Variants in ZNF385B observed in about 807,000 individuals in gnomAD.
ZNF385B encodes the protein zinc finger protein 385B, also known as zinc finger protein 533.
In ZNF385B, 23 loss-of-function variants were observed where a neutral mutation model predicts 39.2. The observed-to-expected ratio is 0.59, with a 90% CI of 0.42 to 0.83. The LOEUF (loss-of-function observed/expected upper bound fraction) is 0.83, where lower values mean the gene tolerates loss of function less well. ZNF385B is among the 40% of genes least tolerant of loss of function. The pLI is 0.00. For missense variants in ZNF385B, 552 were observed against 598.9 expected, an observed-to-expected ratio of 0.92 and a Z score of 0.82; for synonymous variants, 205 against 222.6, an observed-to-expected ratio of 0.92 and a Z score of 0.70.
At chr2:179,685,642 T>C (rs1304964254) in intron 3 of ZNF385B, among the ~76,000 whole-genome samples, 2 of 139,876 alleles carry the variant, frequency 1.4e-5, no homozygotes, top group African/African-American at 2.5e-5. Context: ...TTACTGCCTA[T>C]TGATAAATGC....
intron 1 of ZNF385B, among the ~76,000 whole-genome samples, chr2:179,787,913 T>G (rs939705133): frequency 6.6e-6 from 1 of 152,202 alleles, no homozygotes; most frequent in South Asian, 2.1e-4. Flanking sequence ...ACAGCAACTA[T>G]CAGATAAAGG....
chr2:179,446,844 T>C, intron 6 of ZNF385B, 74 bp from the exon 7 acceptor site: 1 of 1,494,010 alleles, frequency 6.7e-7, no homozygotes, highest in Non-Finnish European at 8.9e-7. Flanking sequence ...CATAGATGAA[T>C]TAAAAATAGA....
intron 1 of ZNF385B, among the ~76,000 whole-genome samples, chr2:179,816,109 A>G (rs1474318441): frequency 6.6e-6 from 1 of 151,918 alleles, no homozygotes; most frequent in Non-Finnish European, 1.5e-5. Flanking sequence ...CCAAGAAGCA[A>G]CCCCCACCCC....
intron 3 of ZNF385B, among the ~76,000 whole-genome samples, chr2:179,732,518 TAGTC>T (rs1559140737): frequency 6.6e-6 from 1 of 152,202 alleles, no homozygotes; most frequent in Non-Finnish European, 1.5e-5. Context: ...AGATAATCAA[TAGTC>T]AGCTGATCAT....
chr2:179,507,671 TC>T (rs1393175385), intron 5 of ZNF385B, among the ~76,000 whole-genome samples: 2 of 152,192 alleles, frequency 1.3e-5, no homozygotes, highest in African/African-American at 4.8e-5. Flanking sequence ...TCTCAGATCT[TC>T]CTTTCAAGGC....
intron 3 of ZNF385B, among the ~76,000 whole-genome samples, chr2:179,551,793 T>G (rs915161311): frequency 3.0e-4 from 46 of 152,160 alleles, no homozygotes; most frequent in African/African-American, 1.1e-3. Flanking sequence ...CTATCCCAAT[T>G]TGTCCTTGAA....
chr2:179,460,104 AAAAAGAAAAG>A (rs919999464), intron 6 of ZNF385B, among the ~76,000 whole-genome samples: 11 of 152,178 alleles, frequency 7.2e-5, no homozygotes, highest in South Asian at 2.1e-4. Flanking sequence ...ACTCTGTCTC[AAAAAGAAAAG>A]AAAAGAAAAG....
chr2:179,811,159 G>C (rs1363298027), intron 1 of ZNF385B, among the ~76,000 whole-genome samples: 1 of 152,000 alleles, frequency 6.6e-6, no homozygotes, highest in African/African-American at 2.4e-5. Context: ...AGAAATCAGA[G>C]ATGGTACAAA....
At chr2:179,681,378 T>C (rs1368550652) in intron 3 of ZNF385B, among the ~76,000 whole-genome samples, 1 of 152,210 alleles carries the variant, frequency 6.6e-6, no homozygotes, top group African/African-American at 2.4e-5. Flanking sequence ...TCAGGGACTC[T>C]ATGTTCTGAA....
chr2:179,675,236 A>G (rs1474541757), intron 3 of ZNF385B, among the ~76,000 whole-genome samples: 1 of 152,244 alleles, frequency 6.6e-6, no homozygotes, highest in Non-Finnish European at 1.5e-5. Context: ...TATATTTACT[A>G]TTCATTAAGT....
At chr2:179,505,770 A>C (rs7604698) in intron 5 of ZNF385B, among the ~76,000 whole-genome samples, 108,134 of 151,916 alleles carry the variant, frequency 0.71, 39,709 homozygotes, top group East Asian at 0.91. Context: ...GAAGGTAGGG[A>C]TGTGGGACAG....
chr2:179,466,961 A>G (rs2203737), intron 6 of ZNF385B, among the ~76,000 whole-genome samples: 21 of 135,920 alleles, frequency 1.5e-4, no homozygotes, highest in South Asian at 7.9e-4. Context: ...GAGAAAGGGA[A>G]GGGAAGGGAA....
At chr2:179,470,295 T>C (rs2052593534) in intron 6 of ZNF385B, among the ~76,000 whole-genome samples, 1 of 152,170 alleles carries the variant, frequency 6.6e-6, no homozygotes, top group African/African-American at 2.4e-5. Context: ...GCCAGTTTGA[T>C]ATTGGGTGCT....
chr2:179,481,626 C>T (rs1403741289), intron 6 of ZNF385B, among the ~76,000 whole-genome samples: 1 of 152,082 alleles, frequency 6.6e-6, no homozygotes, highest in Admixed American at 6.6e-5. Context: ...TGGTACCTAC[C>T]AACTGTTCTA....
At chr2:179,688,696 T>C (rs1467879083) in intron 3 of ZNF385B, among the ~76,000 whole-genome samples, 3 of 152,158 alleles carry the variant, frequency 2.0e-5, no homozygotes, top group Non-Finnish European at 2.9e-5. Flanking sequence ...ATCGACCCTC[T>C]AGCATTTTTT....
intron 3 of ZNF385B, among the ~76,000 whole-genome samples, chr2:179,697,055 C>T (rs1307373011): frequency 1.3e-5 from 2 of 152,122 alleles, no homozygotes; most frequent in African/African-American, 2.4e-5. Context: ...CAGAGATCTT[C>T]GGGGTGTGTG....
At chr2:179,790,294 G>A (rs530925781) in intron 1 of ZNF385B, among the ~76,000 whole-genome samples, 1 of 152,244 alleles carries the variant, frequency 6.6e-6, no homozygotes, top group East Asian at 1.9e-4. Context: ...TACCACTCAA[G>A]CTCACCCCTG....
chr2:179,753,953 G>T (rs1702848341), intron 3 of ZNF385B, among the ~76,000 whole-genome samples: 1 of 152,140 alleles, frequency 6.6e-6, no homozygotes. Flanking sequence ...TCCCTGGCCA[G>T]AACTTCCAAC....
chr2:179,774,253 G>GGT (rs1456722660), intron 1 of ZNF385B, among the ~76,000 whole-genome samples: 3 of 151,258 alleles, frequency 2.0e-5, no homozygotes, highest in Admixed American at 6.6e-5. Context: ...TATAGTGGAG[G>GGT]GTGTGTGTGT....
Sources: gnomAD v4.1 joint callset for allele counts (sites outside exome capture counted in the v4.1 genomes callset) on GRCh38, gnomAD v4.1.1 for gene constraint, MANE v1.5 for transcripts, NCBI Gene and HGNC (gene_info 2026-07-23, HGNC 2026-07-21) for gene names.